CREM: variants seen among roughly 807,000 people sequenced by gnomAD.
CREM encodes the protein cAMP responsive element modulator.
In CREM, 13 loss-of-function variants were observed where a neutral mutation model predicts 37.3. The ratio of observed to expected loss-of-function variants is 0.35; its 90% CI spans 0.23 to 0.55. The LOEUF is 0.55. CREM is among the 20% of genes least tolerant of loss of function. CREM has a pLI of 0.88. For synonymous variants in CREM, 124 were observed against 120.2 expected (o/e 1.03, Z -0.21); for missense variants, 296 against 362.3 (o/e 0.82, Z 1.49).
At chr10:35,169,409 G>A (rs370022636) in intron 3 of CREM, among the ~76,000 whole-genome samples, 4 of 152,162 alleles carry the variant, frequency 2.6e-5, no homozygotes, top group East Asian at 1.9e-4. Context: ...TGTTACTGGT[G>A]TATAAGAATG....
chr10:35,203,252 C>T (rs981060264), intron 6 of CREM, among the ~76,000 whole-genome samples: 27 of 152,026 alleles, frequency 1.8e-4, no homozygotes, highest in Non-Finnish European at 2.8e-4. Context: ...CTCCATGTTG[C>T]CCAGGCTGGT....
At chr10:35,179,499 G>A (rs1182522475) in intron 5 of CREM, 2 of 453,236 alleles carry the variant, frequency 4.4e-6, no homozygotes, top group African/African-American at 2.0e-5. Context: ...GAATATAGAA[G>A]AAAATTTTGG....
chr10:35,167,266 T>C (rs1170158093), intron 3 of CREM, among the ~76,000 whole-genome samples: 1 of 152,238 alleles, frequency 6.6e-6, no homozygotes, highest in East Asian at 1.9e-4. Flanking sequence ...AAATGCTTTT[T>C]CCCCTATAGA....
chr10:35,183,280 G>A (rs189640906), intron 5 of CREM, among the ~76,000 whole-genome samples: 27 of 152,206 alleles, frequency 1.8e-4, no homozygotes, highest in African/African-American at 6.5e-4. Context: ...TATGAACTTT[G>A]TGGACTCCTT....
intron 5 of CREM, among the ~76,000 whole-genome samples, chr10:35,186,748 T>C (rs1242762434): frequency 7.6e-6 from 1 of 131,954 alleles, no homozygotes; most frequent in African/African-American, 2.8e-5. Context: ...ATAGTTATAA[T>C]TATATATAGT....
intron 7 of CREM, 65 bp downstream of exon 7, chr10:35,207,116 G>A (rs2134606417): frequency 6.5e-7 from 1 of 1,534,554 alleles, no homozygotes; most frequent in South Asian, 1.2e-5. Flanking sequence ...GTTTTCACCG[G>A]GCGCAGTGGC....
At chr10:35,184,128 T>G (rs545065804) in intron 5 of CREM, among the ~76,000 whole-genome samples, 1 of 151,992 alleles carries the variant, frequency 6.6e-6, no homozygotes, top group Non-Finnish European at 1.5e-5. Context: ...CCAGGCTTGG[T>G]GGTTTGTGCC....
intron 3 of CREM, among the ~76,000 whole-genome samples, chr10:35,149,946 TAAAA>T (rs745664073): frequency 1.5e-5 from 1 of 68,220 alleles, no homozygotes; most frequent in South Asian, 4.5e-4. Flanking sequence ...ACACCCTTGT[TAAAA>T]AAAATGCATG....
intron 5 of CREM, among the ~76,000 whole-genome samples, chr10:35,182,168 A>T (rs755523366): frequency 1.3e-5 from 2 of 152,220 alleles, no homozygotes; most frequent in African/African-American, 2.4e-5. Flanking sequence ...GTTTACTTTA[A>T]TTGGAGGGTA....
chr10:35,149,224 T>G, intron 3 of CREM, among the ~76,000 whole-genome samples: 1 of 152,148 alleles, frequency 6.6e-6, no homozygotes, highest in East Asian at 1.9e-4. Flanking sequence ...ATATCTCCTT[T>G]GAGCTAGGCA....
intron 3 of CREM, chr10:35,176,078 TTTTC>T: frequency 1.3e-6 from 2 of 1,490,644 alleles, no homozygotes; most frequent in Non-Finnish European, 8.9e-7. Context: ...CATTTATCAT[TTTTC>T]TTTATGAAGT....
chr10:35,160,093 C>T (rs1438544301), intron 3 of CREM, among the ~76,000 whole-genome samples: 4 of 151,990 alleles, frequency 2.6e-5, no homozygotes, highest in African/African-American at 9.7e-5. Context: ...AGTGTACTTA[C>T]ACAAACCTGG....
intron 1 of CREM, 124 bp downstream of exon 1, chr10:35,127,317 C>G (rs1301404579): frequency 1.3e-5 from 2 of 152,314 alleles, no homozygotes; most frequent in Non-Finnish European, 2.9e-5. Flanking sequence ...CGAGCGGAGC[C>G]GTGGGCGGCG....
At chr10:35,175,618 G>T in intron 3 of CREM, 2 of 1,562,580 alleles carry the variant, frequency 1.3e-6, no homozygotes, top group South Asian at 1.1e-5. Flanking sequence ...ACCGAAGTAT[G>T]GGCACCAAAA....
chr10:35,211,190 C>T, intron 7 of CREM, 64 bp from the exon 8 acceptor site: 1 of 1,571,968 alleles, frequency 6.4e-7, no homozygotes, highest in Non-Finnish European at 8.6e-7. Context: ...CAGAAGTGCA[C>T]TGACCCACTG....
At position 35,132,216 on chromosome 10, in the gene CREM, AAG is replaced by A. The variant is rs1483461433; in HGVS notation, c.-55+5025_-55+5026del. ...ACTTGAGTCTCAAAAAAAAAAAAAAAAGAAAAAAAAATTGGTTTCACATGAAG... is the reference window on the plus strand; with the variant it reads ...ACTTGAGTCTCAAAAAAAAAAAAAAAAAAAAAAAATTGGTTTCACATGAAG... On this transcript the variant is annotated intron_variant, in intron 1 of 7. Transcript: ENST00000685392. Among the ~76,000 whole-genome samples the A allele has an allele frequency of 6.8e-3, 764 of 112,804 alleles. 34 individuals are homozygous for A. Among genetic ancestry groups the A allele is most frequent in the East Asian group, 0.01 (32 of 3,174 alleles). 74.0% of individuals were successfully genotyped at this position (112,804 alleles called of 152,430 possible).
At chr10:35,203,431 C>T (rs866562430) in intron 6 of CREM, among the ~76,000 whole-genome samples, 2 of 152,158 alleles carry the variant, frequency 1.3e-5, no homozygotes, top group African/African-American at 2.4e-5. Context: ...CAGTGGCTCA[C>T]GCCTGTGATC....
At chr10:35,186,555 A>G (rs1164611743) in intron 5 of CREM, among the ~76,000 whole-genome samples, 2 of 149,754 alleles carry the variant, frequency 1.3e-5, no homozygotes, top group Non-Finnish European at 3.0e-5. Context: ...AAAATGGCAA[A>G]GGTTACAGTT....
intron 2 of CREM, among the ~76,000 whole-genome samples, chr10:35,139,381 A>C (rs1311111653): frequency 6.6e-6 from 1 of 152,158 alleles, no homozygotes; most frequent in Non-Finnish European, 1.5e-5. Flanking sequence ...AGCCCTCCCA[A>C]AGTGCTGGGA....
Sources: gnomAD v4.1 joint callset for allele counts (sites outside exome capture counted in the v4.1 genomes callset) on GRCh38, gnomAD v4.1.1 for gene constraint, MANE v1.5 for transcripts, NCBI Gene and HGNC (gene_info 2026-07-23, HGNC 2026-07-21) for gene names.